The following DPY19L2 variants were observed in gnomAD, a reference collection of about 807,000 sequenced individuals.
DPY19L2 encodes probable C-mannosyltransferase DPY19L2.
A neutral mutation model predicts 97.9 loss-of-function variants in DPY19L2; 34 were observed. The observed-to-expected ratio is 0.35, with a 90% CI of 0.26 to 0.46. DPY19L2 has a LOEUF of 0.46. Among genes scored for constraint, DPY19L2 ranks in the 20% least tolerant of loss-of-function variants. The pLI, the probability that DPY19L2 is intolerant of heterozygous loss-of-function variation, is 1.00. For missense variants in DPY19L2, 623 were observed against 911.4 expected (o/e 0.68, Z 4.07); for synonymous variants, 230 against 307.9 (o/e 0.75, Z 2.65).
chr12:63,569,499 G>A, intron 20 of DPY19L2, 150 bp from the exon 21 acceptor site: 1 of 551,750 alleles, frequency 1.8e-6, no homozygotes, highest in Non-Finnish European at 3.0e-6. Context: ...TTTTGGGGAT[G>A]GCAGTTTCCA....
chr12:63,568,838 ACTTTT>A (rs935798953), intron 21 of DPY19L2, among the ~76,000 whole-genome samples: 13 of 152,164 alleles, frequency 8.5e-5, no homozygotes, highest in Middle Eastern at 3.4e-3. Flanking sequence ...GGGTTTTGTC[ACTTTT>A]CTTTTAAGTC....
In DPY19L2 at chr12:63,582,391, G is replaced by T; in HGVS notation, c.1725+15C>A. Reference sequence around the variant, plus strand: ...TAGTTTTTATAGTATTGTTATACAAGAATGAATCCCTTACCTGTCGAGAGC... The same window carrying T: ...TAGTTTTTATAGTATTGTTATACAATAATGAATCCCTTACCTGTCGAGAGC... On this transcript the variant is annotated intron_variant, in intron 18 of 21. Transcript: ENST00000324472. 3 of 1,606,662 alleles carry T rather than the reference G, an allele frequency of 1.9e-6. No homozygotes were observed. The highest frequency in any genetic ancestry group is 2.5e-6 in the Non-Finnish European group (3 of 1,177,566).
intron 19 of DPY19L2, among the ~76,000 whole-genome samples, chr12:63,572,841 C>T (rs149876168): frequency 0.031 from 4,704 of 152,102 alleles, 367 homozygotes; most frequent in East Asian, 0.27. Context: ...CAAGGTAGTA[C>T]CTCTAAGAGT....
rs760400365 is a variant in DPY19L2, at chr12:63,569,230, C to G, written c.2120G>C (p.Arg707Thr). ...GCATAGGGTTAATACTCACTTAGTT[C>G]TCACAACACACCATGCCTCTTCTAA... ...YVLEEAWCVV[R>T]TKPGCSMLEI... The change falls in exon 21 of 22, where the codon AGA becomes ACA. Residue 707 changes from arginine (R) to threonine (T), a missense_variant. By Grantham distance (71) the Arg-to-Thr change is moderately conservative. Around this residue, in one of 6 missense-constraint regions of DPY19L2, gnomAD observed 294 missense variants for 446.2 expected, o/e 0.66. Coordinates refer to ENST00000324472, the MANE Select transcript of DPY19L2 (RefSeq NM_173812.5). 9.3e-5 allele frequency: 149 copies of G among 1,593,780 alleles called. No homozygotes were observed. The highest frequency in any genetic ancestry group is 1.2e-4 in the Non-Finnish European group (143 of 1,173,252).
At chr12:63,633,022 C>A (rs1331791492) in intron 6 of DPY19L2, among the ~76,000 whole-genome samples, 1 of 152,098 alleles carries the variant, frequency 6.6e-6, no homozygotes, top group Non-Finnish European at 1.5e-5. Flanking sequence ...ATGTAGAAAG[C>A]TGACACTGGA....
chr12:63,665,839 G>A lies in DPY19L2; in HGVS notation c.358C>T (p.His120Tyr). 6.3e-7 allele frequency: 1 copy of A among 1,583,982 alleles called. No individual in the cohort carries two copies. The highest frequency in any genetic ancestry group is 8.6e-7 in the Non-Finnish European group (1 of 1,163,462). Residue 120 changes from histidine (H) to tyrosine (Y), a missense_variant, in exon 2 of 22, where the codon CAT becomes TAT. Physicochemically the swap from His to Tyr is moderately conservative, Grantham distance 83. Coordinates refer to ENST00000324472, the MANE Select transcript of DPY19L2 (RefSeq NM_173812.5). ...LGIAVFVAIL[H>Y]WLHLVTLFEN... ...CAAACTGAAACTAAATCTTACCAATGTAAAATTGCCACAAAGACAGCTGGA... is the reference window on the plus strand; with the variant it reads ...CAAACTGAAACTAAATCTTACCAATATAAAATTGCCACAAAGACAGCTGGA...
intron 10 of DPY19L2, among the ~76,000 whole-genome samples, chr12:63,617,816 A>G (rs915714982): frequency 2.0e-5 from 3 of 152,104 alleles, no homozygotes; most frequent in African/African-American, 7.2e-5. Flanking sequence ...AAATTGCAAG[A>G]ATATAAAATT....
chr12:63,597,743 C>A, intron 14 of DPY19L2, 66 bp downstream of exon 14: 5 of 1,457,450 alleles, frequency 3.4e-6, no homozygotes, highest in South Asian at 2.5e-5. Context: ...TTTTGAGTTT[C>A]AGATTTTAAA....
intron 16 of DPY19L2, among the ~76,000 whole-genome samples, chr12:63,585,448 A>T (rs1166791789): frequency 6.6e-6 from 1 of 151,934 alleles, no homozygotes; most frequent in Non-Finnish European, 1.5e-5. Flanking sequence ...GTTTTTTTTT[A>T]AATCGAAGAC....
In DPY19L2 at chr12:63,559,659, A is replaced by G. The variant is rs1876117757; in HGVS notation, c.*853T>C. ...CAAGCTTTGGGGCCATCAAGATGAA[A>G]AGACCTTTCCTTTATTCAAGATCTA... On this transcript the variant is annotated 3_prime_UTR_variant, in exon 22 of 22. Transcript: ENST00000324472. The G allele has an allele frequency of 6.6e-6, 1 of 152,280 alleles. No homozygotes were observed. The highest frequency in any genetic ancestry group is 2.1e-4 in the South Asian group (1 of 4,834). 9.4% of individuals were successfully genotyped at this position (152,280 alleles called of 1,614,324 possible).
rs374463782 is a variant in DPY19L2, at chr12:63,638,364, T to C, written c.803+6039A>G. ...GTGTTGGAAGTTCTGGCCAGGGCAA[T>C]CAGGCAAGAGAAAGAAATAAAGTGT... On this transcript the variant is annotated intron_variant, in intron 6 of 21. Transcript: ENST00000324472. Among the ~76,000 whole-genome samples the C allele has an allele frequency of 2.0e-5, 3 of 152,224 alleles. No individual in the cohort carries two copies. The East Asian group carries it at 5.8e-4, about 29-fold the overall frequency.
At chr12:63,604,962 T>C (rs1428133220) in intron 12 of DPY19L2, among the ~76,000 whole-genome samples, 23 of 152,178 alleles carry the variant, frequency 1.5e-4, no homozygotes, top group Admixed American at 1.5e-3. Context: ...GATCCTATTT[T>C]AAATTTCTAT....
At chr12:63,633,457 G>A (rs950822989) in intron 6 of DPY19L2, among the ~76,000 whole-genome samples, 2 of 152,118 alleles carry the variant, frequency 1.3e-5, no homozygotes, top group Non-Finnish European at 2.9e-5. Context: ...ATAGACACAC[G>A]AAAAAATGCT....
chr12:63,562,976 T>A (rs971096026), intron 21 of DPY19L2, among the ~76,000 whole-genome samples: 1 of 152,126 alleles, frequency 6.6e-6, no homozygotes, highest in African/African-American at 2.4e-5. Flanking sequence ...TTTGTATTTT[T>A]AGTAGAGATG....
At chr12:63,590,267 C>T (rs1882669825) in intron 16 of DPY19L2, among the ~76,000 whole-genome samples, 1 of 152,094 alleles carries the variant, frequency 6.6e-6, no homozygotes, top group Non-Finnish European at 1.5e-5. Context: ...TTTTACCTAT[C>T]AGAAAAAATT....
chr12:63,663,613 T>C, intron 3 of DPY19L2, 145 bp downstream of exon 3: 1 of 653,240 alleles, frequency 1.5e-6, no homozygotes, highest in Non-Finnish European at 2.6e-6. Context: ...TCTCAAACAC[T>C]TTACTATTTA....
At chr12:63,653,109 A>G (rs945676624) in intron 4 of DPY19L2, among the ~76,000 whole-genome samples, 1 of 152,166 alleles carries the variant, frequency 6.6e-6, no homozygotes, top group East Asian at 1.9e-4. Flanking sequence ...AATAGAAATT[A>G]CTCAATCTGA....
intron 21 of DPY19L2, among the ~76,000 whole-genome samples, chr12:63,562,501 C>T (rs1217597502): frequency 6.6e-6 from 1 of 150,572 alleles, no homozygotes; most frequent in African/African-American, 2.5e-5. Flanking sequence ...TGTACAATTA[C>T]TGGGATGGAT....
chr12:63,567,919 A>C (rs1239486032), intron 21 of DPY19L2, among the ~76,000 whole-genome samples: 2 of 151,982 alleles, frequency 1.3e-5, no homozygotes, highest in African/African-American at 2.4e-5. Context: ...ATTTTCTCTT[A>C]ATCTTTGATT....
Sources: allele counts gnomAD v4.1 joint callset (sites outside exome capture counted in the v4.1 genomes callset), GRCh38; gene constraint gnomAD v4.1.1; regional missense constraint gnomAD v4.1.1; transcripts MANE v1.5; gene names NCBI Gene and HGNC (gene_info 2026-07-23, HGNC 2026-07-21).